Variants in ANO1 observed in about 807,000 individuals in gnomAD.
ANO1 encodes anoctamin 1.
A neutral mutation model predicts 124.0 loss-of-function variants in ANO1; 59 were observed. That is an observed-to-expected ratio of 0.48 (90% CI 0.39 to 0.59). ANO1 has a LOEUF of 0.59. Among genes scored for constraint, ANO1 ranks in the 20% least tolerant of loss-of-function variants. The pLI, the probability that ANO1 is intolerant of heterozygous loss-of-function variation, is 0.00. For missense variants in ANO1, 1,059 were observed against 1,328.0 expected (o/e 0.80, Z 3.15); for synonymous variants, 529 against 532.0 (o/e 0.99, Z 0.08).
chr11:69,983,610 C>T (rs904649595), upstream of ANO1, among the ~76,000 whole-genome samples: 8 of 152,202 alleles, frequency 5.3e-5, no homozygotes, highest in South Asian at 2.1e-4. Context: ...CCCTCTCCTG[C>T]GGGCCACATG....
At chr11:70,008,292 T>G (rs1856529908) in intron 1 of ANO1, among the ~76,000 whole-genome samples, 1 of 152,228 alleles carries the variant, frequency 6.6e-6, no homozygotes, top group African/African-American at 2.4e-5. Context: ...TGCCTGTGCC[T>G]GTGGTCTCAT....
At chr11:70,010,166 C>CGTGT (rs1258959507) in intron 1 of ANO1, among the ~76,000 whole-genome samples, 1,280 of 100,368 alleles carry the variant, frequency 0.013, 87 homozygotes, top group East Asian at 0.018. Flanking sequence ...TGTGTGTGTG[C>CGTGT]GCGTGTGTGT....
chr11:70,138,221 T>A (rs1209461379), intron 11 of ANO1, among the ~76,000 whole-genome samples: 1 of 146,332 alleles, frequency 6.8e-6, no homozygotes, highest in African/African-American at 2.4e-5. Context: ...GGCACGCGCC[T>A]GTAGTCCCAG....
chr11:69,988,351 G>A (rs995940823), intron 1 of ANO1, among the ~76,000 whole-genome samples: 9 of 152,128 alleles, frequency 5.9e-5, no homozygotes, highest in East Asian at 1.9e-4. Flanking sequence ...CAGCTTTGCC[G>A]CCTGCAGCCC....
intron 1 of ANO1, among the ~76,000 whole-genome samples, chr11:70,027,791 T>C (rs1856934836): frequency 6.6e-6 from 1 of 152,280 alleles, no homozygotes. Flanking sequence ...GAACACGCCC[T>C]TCTTGCTAGT....
chr11:70,187,795 G>A lies in ANO1; in HGVS notation c.2752G>A (p.Asp918Asn). 1 of 1,609,772 alleles carries A rather than the reference G, an allele frequency of 6.2e-7. No individual in the cohort carries two copies. Among genetic ancestry groups the A allele is most frequent in the Non-Finnish European group, 8.5e-7 (1 of 1,178,294 alleles). ...VDWVIPDIPK[D>N]ISQQIHKEKV... ...CTGGGTCATCCCGGACATCCCCAAG[G>A]ACATCAGCCAGCAGATCCACAAGGA... Residue 918 changes from aspartate to asparagine, a missense_variant, in exon 26 of 26, where the codon GAC becomes AAC. Coordinates refer to ENST00000355303, the MANE Select transcript of ANO1 (RefSeq NM_018043.7).
Position 70,167,286 on chromosome 11 carries a change from G to GC in ANO1, c.2102dup (p.Asp702Ter). The GC allele has an allele frequency of 6.2e-7, 1 of 1,613,978 alleles. No homozygotes were observed. The highest frequency in any genetic ancestry group is 8.5e-7 in the Non-Finnish European group (1 of 1,179,878). ...CGCTACCTGAAGCTGAAGCAGCAGA[G>GC]CCCCCCTGACCACGAGGAGTGTGTG... On this transcript the variant is annotated frameshift_variant, in exon 21 of 26. Transcript: ENST00000355303. LOFTEE classifies it high-confidence loss of function.
At chr11:70,060,321 C>T (rs1201603361) in intron 1 of ANO1, among the ~76,000 whole-genome samples, 15 of 152,232 alleles carry the variant, frequency 9.9e-5, no homozygotes, top group Middle Eastern at 3.4e-3. Context: ...GTGTGGGACA[C>T]GACAGCATAT....
chr11:70,011,549 C>G (rs76674315), intron 1 of ANO1, among the ~76,000 whole-genome samples: 1,852 of 152,294 alleles, frequency 0.012, 88 homozygotes, highest in East Asian at 0.12. Flanking sequence ...TTCCACTCTC[C>G]CACAACCCCC....
intron 1 of ANO1, among the ~76,000 whole-genome samples, chr11:70,006,965 C>T (rs1856504170): frequency 6.6e-6 from 1 of 152,048 alleles, no homozygotes; most frequent in African/African-American, 2.4e-5. Context: ...CCATCACACC[C>T]GGCCCATTTT....
chr11:70,159,826 G>C (rs7120850), intron 16 of ANO1, among the ~76,000 whole-genome samples: 2,852 of 152,348 alleles, frequency 0.019, 31 homozygotes, highest in Middle Eastern at 0.034. Flanking sequence ...GGTTTTCCAA[G>C]GAAAGCCCTT....
At chr11:69,969,611 C>T in the ANO1 span, among the ~76,000 whole-genome samples, 44 of 152,204 alleles carry the variant, frequency 2.9e-4, no homozygotes, top group Non-Finnish European at 4.4e-4. Context: ...ATGCGGCTGC[C>T]GGGTCGCAGG....
chr11:70,021,996 G>C (rs1555002671), intron 1 of ANO1, among the ~76,000 whole-genome samples: 1 of 152,216 alleles, frequency 6.6e-6, no homozygotes, highest in Admixed American at 6.5e-5. Context: ...TGTGTGCTCA[G>C]ATCAGACCCA....
intron 1 of ANO1, among the ~76,000 whole-genome samples, chr11:70,049,760 G>A (rs1346731070): frequency 6.6e-6 from 1 of 152,040 alleles, no homozygotes; most frequent in Non-Finnish European, 1.5e-5. Context: ...TCACTCTGTT[G>A]CGCAGGCTGG....
At chr11:70,016,622 A>G (rs1264567744) in intron 1 of ANO1, among the ~76,000 whole-genome samples, 1 of 152,164 alleles carries the variant, frequency 6.6e-6, no homozygotes, top group Non-Finnish European at 1.5e-5. Flanking sequence ...CAGGCTTGGG[A>G]GCTCCTGGGA....
At chr11:69,987,464 C>A (rs1264657254) in intron 1 of ANO1, among the ~76,000 whole-genome samples, 8 of 152,224 alleles carry the variant, frequency 5.3e-5, no homozygotes, top group African/African-American at 1.9e-4. Context: ...CAGCCAGTAA[C>A]TGATGGCACC....
upstream of ANO1, among the ~76,000 whole-genome samples, chr11:69,983,224 C>G (rs1418270399): frequency 4.6e-5 from 7 of 151,958 alleles, no homozygotes; most frequent in East Asian, 1.4e-3. Flanking sequence ...CTGTGCCTAC[C>G]CCCAAGCCAG....
Position 70,161,076 on chromosome 11 carries a change from C to T in ANO1, c.1579-85C>T, listed in dbSNP as rs1038764496. 12 of 1,274,566 alleles carry T rather than the reference C, an allele frequency of 9.4e-6. No homozygotes were observed. The Admixed American group carries it at 2.3e-4, about 24-fold the overall frequency. The allele number at this position is 1,274,566 out of a possible 1,614,324, so 79.0% of individuals were successfully genotyped here. A position where few individuals can be genotyped will look rare whatever the true frequency, so the allele number is the denominator to read the frequency against. On this transcript the variant is annotated intron_variant, in intron 16 of 25. Transcript: ENST00000355303. ...GCAGAAGAGCGGGAAGGTTGGGGGA[C>T]AGCTGGACTGAGGGAGCAGATGGGG...
intron 1 of ANO1, chr11:70,085,501 G>T (rs1209225956): frequency 6.5e-7 from 1 of 1,536,082 alleles, no homozygotes; most frequent in Admixed American, 2.0e-5. Context: ...CTTAGTTTCA[G>T]CCTCCTGCCG....
Sources: gnomAD v4.1 joint callset for allele counts (sites outside exome capture counted in the v4.1 genomes callset) on GRCh38, gnomAD v4.1.1 for gene constraint, MANE v1.5 for transcripts, NCBI Gene and HGNC (gene_info 2026-07-23, HGNC 2026-07-21) for gene names.